MCTP1: variants seen among roughly 807,000 people sequenced by gnomAD.
MCTP1 encodes the protein multiple C2 and transmembrane domain-containing protein 1.
MCTP1 carries 69 observed loss-of-function variants against 120.6 expected under a neutral mutation model. That is an observed-to-expected ratio of 0.57 (90% CI 0.47 to 0.70). MCTP1 has a LOEUF of 0.70. MCTP1 is among the 30% of genes least tolerant of loss of function. MCTP1 has a pLI of 0.00. For synonymous variants in MCTP1, 529 were observed against 493.1 expected, an observed-to-expected ratio of 1.07 and a Z score of -0.96; for missense variants, 1,203 against 1,248.8, an observed-to-expected ratio of 0.96 and a Z score of 0.55.
intron 1 of MCTP1, among the ~76,000 whole-genome samples, chr5:95,095,837 C>T (rs1020023089): frequency 1.3e-5 from 2 of 152,044 alleles, no homozygotes; most frequent in African/African-American, 2.4e-5. Flanking sequence ...ATCAAAGAAA[C>T]GAACTGATAC....
At chr5:94,890,499 G>A (rs1802338697) in intron 11 of MCTP1, among the ~76,000 whole-genome samples, 1 of 152,012 alleles carries the variant, frequency 6.6e-6, no homozygotes. Context: ...GACTACTGTA[G>A]TTCTACATAA....
chr5:95,168,957 G>C (rs1355809608), intron 1 of MCTP1, among the ~76,000 whole-genome samples: 3 of 152,034 alleles, frequency 2.0e-5, no homozygotes, highest in South Asian at 2.1e-4. Flanking sequence ...GGTGAGAGAG[G>C]GCATCCCTGT....
At chr5:94,773,653 G>C (rs952757989) in intron 19 of MCTP1, among the ~76,000 whole-genome samples, 3 of 152,114 alleles carry the variant, frequency 2.0e-5, no homozygotes, top group African/African-American at 7.2e-5. Flanking sequence ...CACATGGCTG[G>C]GGAGGACTCA....
At chr5:94,934,316 T>G (rs1204563591) in intron 5 of MCTP1, among the ~76,000 whole-genome samples, 3 of 151,796 alleles carry the variant, frequency 2.0e-5, no homozygotes, top group African/African-American at 7.2e-5. Flanking sequence ...AAAATAAGAT[T>G]TATTTTTTTG....
chr5:95,211,034 C>T (rs1465989131), intron 1 of MCTP1, among the ~76,000 whole-genome samples: 19 of 151,546 alleles, frequency 1.3e-4, no homozygotes, highest in Admixed American at 4.6e-4. Flanking sequence ...GAGTTTCTGC[C>T]GAGAGATCCA....
At chr5:94,745,931 A>G (rs1378662939) in intron 19 of MCTP1, among the ~76,000 whole-genome samples, 2 of 152,130 alleles carry the variant, frequency 1.3e-5, no homozygotes, top group Admixed American at 6.6e-5. Flanking sequence ...CCTTATGTTT[A>G]TTGCCTCATG....
chr5:95,050,670 T>G (rs977962746), intron 1 of MCTP1, among the ~76,000 whole-genome samples: 4 of 152,238 alleles, frequency 2.6e-5, no homozygotes, highest in African/African-American at 9.6e-5. Flanking sequence ...GCCAAATTCA[T>G]GCCTGCTAAT....
At chr5:94,743,011 A>G (rs1042804096) in intron 19 of MCTP1, among the ~76,000 whole-genome samples, 1 of 152,118 alleles carries the variant, frequency 6.6e-6, no homozygotes, top group African/African-American at 2.4e-5. Flanking sequence ...AAAGGTGGGG[A>G]GATGACTAAC....
intron 1 of MCTP1, among the ~76,000 whole-genome samples, chr5:95,214,513 G>A (rs1161681125): frequency 7.2e-5 from 11 of 152,084 alleles, no homozygotes; most frequent in Non-Finnish European, 1.0e-4. Context: ...TCCCATTACT[G>A]GGTATATACC....
intron 19 of MCTP1, among the ~76,000 whole-genome samples, chr5:94,762,975 A>T (rs1771682971): frequency 1.3e-5 from 2 of 152,236 alleles, no homozygotes. Flanking sequence ...ACACAAATAT[A>T]TCTCAGCTAG....
chr5:95,089,219 C>G (rs1056911190), intron 1 of MCTP1, among the ~76,000 whole-genome samples: 13 of 152,126 alleles, frequency 8.5e-5, no homozygotes, highest in Admixed American at 3.9e-4. Flanking sequence ...TTTCCCCTCA[C>G]TGTTGCAGGG....
At chr5:95,153,159 G>T (rs1744721803) in intron 1 of MCTP1, among the ~76,000 whole-genome samples, 1 of 152,094 alleles carries the variant, frequency 6.6e-6, no homozygotes, top group Non-Finnish European at 1.5e-5. Flanking sequence ...CTGGATCATG[G>T]GGGTGGTTCT....
intron 1 of MCTP1, among the ~76,000 whole-genome samples, chr5:95,100,818 C>T (rs937110202): frequency 6.6e-6 from 1 of 152,146 alleles, no homozygotes; most frequent in African/African-American, 2.4e-5. Flanking sequence ...CAAAACAAAA[C>T]CAACTAAGCA....
chr5:95,149,102 C>T (rs887242970), intron 1 of MCTP1, among the ~76,000 whole-genome samples: 1 of 152,124 alleles, frequency 6.6e-6, no homozygotes, highest in South Asian at 2.1e-4. Context: ...GAGAGATGGC[C>T]CCCTCACCAA....
chr5:95,174,031 A>G (rs1747669320), intron 1 of MCTP1, among the ~76,000 whole-genome samples: 1 of 152,182 alleles, frequency 6.6e-6, no homozygotes, highest in South Asian at 2.1e-4. Flanking sequence ...AAAACAAGCT[A>G]ATTAAAGGGT....
At chr5:95,172,619 A>G (rs1747468361) in intron 1 of MCTP1, among the ~76,000 whole-genome samples, 4 of 151,698 alleles carry the variant, frequency 2.6e-5, no homozygotes, top group Admixed American at 2.6e-4. Context: ...TATGATGTCT[A>G]GCACTACATG....
chr5:94,847,680 G>GTATATATA (rs1302413305), intron 17 of MCTP1, among the ~76,000 whole-genome samples: 31 of 108,432 alleles, frequency 2.9e-4, no homozygotes, highest in Admixed American at 8.0e-4. Flanking sequence ...GTGTGTGTGT[G>GTATATATA]TGTATATATA....
At chr5:95,184,889 C>T (rs544242674) in intron 1 of MCTP1, among the ~76,000 whole-genome samples, 2 of 152,260 alleles carry the variant, frequency 1.3e-5, no homozygotes, top group South Asian at 2.1e-4. Context: ...CTAACTTCAA[C>T]CCCCTATGAT....
At chr5:95,274,866 G>C (rs1272571649) in intron 1 of MCTP1, among the ~76,000 whole-genome samples, 1 of 151,870 alleles carries the variant, frequency 6.6e-6, no homozygotes, top group Non-Finnish European at 1.5e-5. Context: ...CTCGTGATCC[G>C]CCCGCCTCGG....
Sources: gnomAD v4.1 joint callset for allele counts (sites outside exome capture counted in the v4.1 genomes callset) on GRCh38, gnomAD v4.1.1 for gene constraint, MANE v1.5 for transcripts, NCBI Gene and HGNC (gene_info 2026-07-23, HGNC 2026-07-21) for gene names.